PARP12: variants seen among roughly 807,000 people sequenced by gnomAD.
The protein encoded by PARP12 is poly(ADP-ribose) polymerase family member 12, also known as protein mono-ADP-ribosyltransferase PARP12.
PARP12 carries 59 observed loss-of-function variants against 72.4 expected under a neutral mutation model. The ratio of observed to expected loss-of-function variants is 0.81; its 90% confidence interval spans 0.66 to 1.01. The LOEUF (loss-of-function observed/expected upper bound fraction) is 1.01. PARP12 is among the 50% of genes least tolerant of loss of function. The pLI, the probability that PARP12 is intolerant of heterozygous loss-of-function variation, is 0.00. For synonymous variants in PARP12, 403 were observed against 371.4 expected, an observed-to-expected ratio of 1.09 and a Z score of -0.98; for missense variants, 851 against 914.0, an observed-to-expected ratio of 0.93 and a Z score of 0.89.
chr7:140,062,052 T>G (rs1441971265), intron 1 of PARP12, among the ~76,000 whole-genome samples: 1 of 149,830 alleles, frequency 6.7e-6, no homozygotes, highest in African/African-American at 2.5e-5. Flanking sequence ...CAGGACCTTG[T>G]GGGCGATGGC....
intron 9 of PARP12, among the ~76,000 whole-genome samples, chr7:140,028,179 T>C (rs1037143102): frequency 5.3e-5 from 8 of 152,174 alleles, no homozygotes; most frequent in African/African-American, 1.4e-4. Flanking sequence ...AGCTGCCAAA[T>C]TGACTGTCCA....
intron 5 of PARP12, among the ~76,000 whole-genome samples, chr7:140,042,864 A>T (rs1816545397): frequency 6.6e-6 from 1 of 152,154 alleles, no homozygotes; most frequent in Non-Finnish European, 1.5e-5. Flanking sequence ...GCAAACACAC[A>T]TCCCCTCTGG....
chr7:140,032,102 A>C (rs966177037), intron 8 of PARP12, among the ~76,000 whole-genome samples: 3 of 152,140 alleles, frequency 2.0e-5, no homozygotes, highest in Admixed American at 6.5e-5. Context: ...ACAGAAAAAG[A>C]AGCAAAAATG....
At chr7:140,029,708 A>G (rs1023644658) in intron 8 of PARP12, among the ~76,000 whole-genome samples, 1 of 152,250 alleles carries the variant, frequency 6.6e-6, no homozygotes, top group African/African-American at 2.4e-5. Context: ...GACCTGGAAG[A>G]TCTAAAAAAG....
intron 6 of PARP12, among the ~76,000 whole-genome samples, chr7:140,039,955 A>G (rs1417625505): frequency 6.6e-6 from 1 of 152,182 alleles, no homozygotes; most frequent in African/African-American, 2.4e-5. Context: ...GGCACGCTCC[A>G]GGTGTTGGCT....
intron 7 of PARP12, among the ~76,000 whole-genome samples, chr7:140,035,473 C>T (rs547913248): frequency 7.2e-5 from 11 of 152,314 alleles, no homozygotes; most frequent in African/African-American, 2.6e-4. Flanking sequence ...AAAGTGAGGT[C>T]TTTTCCCTAA....
intron 7 of PARP12, among the ~76,000 whole-genome samples, chr7:140,036,822 TAAAAA>T (rs56723067): frequency 2.7e-5 from 4 of 147,956 alleles, no homozygotes; most frequent in Non-Finnish European, 6.0e-5. Flanking sequence ...AATTAAAACT[TAAAAA>T]AAAAAAAATT....
chr7:140,033,362 CAA>C, intron 8 of PARP12: 1 of 985,346 alleles, frequency 1.0e-6, no homozygotes, highest in Non-Finnish European at 1.2e-6. Flanking sequence ...ACAAAAGAAC[CAA>C]AAGAGACATT....
chr7:140,042,423 C>T lies in PARP12; in HGVS notation c.987-584G>A, dbSNP rs1373313149. On this transcript the variant is annotated intron_variant, in intron 5 of 11. Coordinates refer to ENST00000263549, the MANE Select transcript of PARP12 (RefSeq NM_022750.4). ...CACCAGGACACGCTCCCTTTCTAAA[C>T]GCAGTACTGCCTAAAGACCAAAGGA... Among the ~76,000 whole-genome samples the T allele has an allele frequency of 3.3e-5, 5 of 152,292 alleles. No homozygotes were observed. The South Asian group carries it at 6.2e-4, about 19-fold the overall frequency.
At chr7:140,042,515 G>GT (rs1379165459) in intron 5 of PARP12, among the ~76,000 whole-genome samples, 1 of 152,248 alleles carries the variant, frequency 6.6e-6, no homozygotes, top group Admixed American at 6.5e-5. Flanking sequence ...GTATCGATGA[G>GT]TAACGACAGA....
chr7:140,055,109 AG>A, intron 3 of PARP12, among the ~76,000 whole-genome samples: 1 of 152,328 alleles, frequency 6.6e-6, no homozygotes, highest in South Asian at 2.1e-4. Context: ...CAGAACCTCC[AG>A]GGGTGGGACT....
At chr7:140,045,771 A>G (rs971367382) in intron 5 of PARP12, among the ~76,000 whole-genome samples, 1 of 152,354 alleles carries the variant, frequency 6.6e-6, no homozygotes, top group African/African-American at 2.4e-5. Context: ...TGACAATTAT[A>G]ATGAGTGGCA....
chr7:140,034,085 G>A (rs1816048039), intron 8 of PARP12, 150 bp downstream of exon 8: 5 of 1,344,446 alleles, frequency 3.7e-6, no homozygotes, highest in South Asian at 1.6e-5. Context: ...GGTCCAACTA[G>A]TAGAAGACAA....
rs555008010 is a variant in PARP12 at position 140,024,929 on chromosome 7, C to T, written c.1781-44G>A. ...GCTCAGCTGGTGGAGGGGCCTGCAG[C>T]CAGGAAGGGTCAGCACACTGCGAAT... is the stretch of plus-strand genomic sequence containing the variant. On this transcript the variant is annotated intron_variant, in intron 11 of 11. Coordinates refer to ENST00000263549, the MANE Select transcript of PARP12 (RefSeq NM_022750.4). 1.3e-5 allele frequency: 21 copies of T among 1,579,262 alleles called. No individual in the cohort carries two copies. The Admixed American group carries it at 1.9e-4, about 14-fold the overall frequency.
chr7:140,038,433 G>C, intron 6 of PARP12: 1 of 456,318 alleles, frequency 2.2e-6, no homozygotes, highest in Non-Finnish European at 2.9e-6. Flanking sequence ...AAACCTGCTG[G>C]CTCTATAACT....
At chr7:140,048,484 T>C (rs913619060) in intron 4 of PARP12, among the ~76,000 whole-genome samples, 1 of 152,106 alleles carries the variant, frequency 6.6e-6, no homozygotes, top group African/African-American at 2.4e-5. Flanking sequence ...AGAAAAAGAA[T>C]GAGAAGCTCT....
chr7:140,033,906 T>C, intron 8 of PARP12: 2 of 1,002,370 alleles, frequency 2.0e-6, no homozygotes, highest in Non-Finnish European at 2.4e-6. Context: ...ATTTAAAAAA[T>C]TCAAGTCTAT....
chr7:140,034,292 T>C lies in PARP12; in HGVS notation c.1364A>G (p.Lys455Arg), dbSNP rs556149394. ...CACGTATTTGGGTCTGCGGCAAACC[T>C]TTTTAGTTGTGCCATAGACCAGGTT... is the stretch of plus-strand genomic sequence containing the variant. ...QKNLVYGTTK[K>R]VCRRPKYVSP... The change falls in exon 8 of 12, where the codon AAG (lysine) becomes AGG (arginine). Residue 455 changes from lysine (K) to arginine (R), a missense_variant. This residue lies in a region of PARP12 where 347 missense variants were observed against 396.1 expected (regional missense o/e 0.88). Transcript: ENST00000263549. 14 of 1,611,930 alleles carry C rather than the reference T, an allele frequency of 8.7e-6. No individual in the cohort carries two copies. The East Asian group carries it at 1.6e-4, about 18-fold the overall frequency.
intron 5 of PARP12, 128 bp downstream of exon 5, chr7:140,046,753 TGTG>T: frequency 1.2e-6 from 1 of 851,496 alleles, no homozygotes; most frequent in Non-Finnish European, 1.8e-6. Context: ...TGTGTGTGTG[TGTG>T]TCACACACAG....
Sources: gnomAD v4.1 joint callset for allele counts (sites outside exome capture counted in the v4.1 genomes callset) on GRCh38, gnomAD v4.1.1 for gene constraint, gnomAD v4.1.1 regional missense constraint, MANE v1.5 for transcripts, NCBI Gene and HGNC (gene_info 2026-07-23, HGNC 2026-07-21) for gene names.